NOVA1: variants seen among roughly 807,000 people sequenced by gnomAD.
NOVA1 encodes the protein NOVA alternative splicing regulator 1.
NOVA1 carries 7 observed loss-of-function variants against 38.0 expected under a neutral mutation model. The observed-to-expected ratio is 0.18, with a 90% CI of 0.10 to 0.35. NOVA1 has a LOEUF of 0.35. Among genes scored for constraint, NOVA1 ranks in the 10% least tolerant of loss-of-function variants. The pLI, the probability that NOVA1 is intolerant of heterozygous loss-of-function variation, is 1.00. For missense variants in NOVA1, 460 were observed against 616.0 expected, an observed-to-expected ratio of 0.75 and a Z score of 2.68; for synonymous variants, 270 against 232.5, an observed-to-expected ratio of 1.16 and a Z score of -1.47.
intron 2 of NOVA1, among the ~76,000 whole-genome samples, chr14:26,557,017 T>G (rs901492471): frequency 6.6e-6 from 1 of 152,126 alleles, no homozygotes; most frequent in Non-Finnish European, 1.5e-5. Context: ...CTCCTTGGCT[T>G]GTAGATGGCA....
intron 2 of NOVA1, among the ~76,000 whole-genome samples, chr14:26,568,626 C>G (rs1339968385): frequency 6.6e-6 from 1 of 152,024 alleles, no homozygotes; most frequent in Non-Finnish European, 1.5e-5. Flanking sequence ...TGTTAGCTGA[C>G]CAGAAACTAA....
chr14:26,546,482 G>T (rs923711806), intron 2 of NOVA1, among the ~76,000 whole-genome samples: 2 of 152,204 alleles, frequency 1.3e-5, no homozygotes, highest in East Asian at 1.9e-4. Context: ...GAACATCTGA[G>T]AATTTAAAAT....
intron 2 of NOVA1, among the ~76,000 whole-genome samples, chr14:26,561,090 A>G (rs1190714889): frequency 6.6e-6 from 1 of 152,124 alleles, no homozygotes; most frequent in African/African-American, 2.4e-5. Flanking sequence ...TGCTCAGTTC[A>G]TGATAGGGTT....
intron 2 of NOVA1, among the ~76,000 whole-genome samples, chr14:26,572,037 A>G (rs1248034743): frequency 6.6e-6 from 1 of 152,234 alleles, no homozygotes. Context: ...TAAATTAGAT[A>G]TGAGATTCAT....
At chr14:26,513,926 C>T (rs1270789470) in intron 2 of NOVA1, among the ~76,000 whole-genome samples, 1 of 151,544 alleles carries the variant, frequency 6.6e-6, no homozygotes. Context: ...TTTCGAATAG[C>T]TAACATTCAT....
At chr14:26,561,641 G>A (rs1299277517) in intron 2 of NOVA1, among the ~76,000 whole-genome samples, 3 of 152,060 alleles carry the variant, frequency 2.0e-5, no homozygotes, top group East Asian at 1.9e-4. Context: ...AAAACAAACT[G>A]TATTGAACAT....
intron 2 of NOVA1, among the ~76,000 whole-genome samples, chr14:26,484,428 GAAAAAAAAAAAAAAAAAA>G (rs869087238): frequency 7.1e-5 from 4 of 56,436 alleles, no homozygotes; most frequent in East Asian, 6.1e-4. Context: ...ACTCCGTCTC[GAAAAAAAAAAAAAAAAAA>G]AAAAAAAAAA....
At chr14:26,483,617 T>C (rs1352908334) in intron 2 of NOVA1, among the ~76,000 whole-genome samples, 1 of 152,140 alleles carries the variant, frequency 6.6e-6, no homozygotes, top group Non-Finnish European at 1.5e-5. Flanking sequence ...CTTCTTGATG[T>C]GATGTAATAA....
chr14:26,535,337 C>T (rs779411671), intron 2 of NOVA1, among the ~76,000 whole-genome samples: 6 of 152,034 alleles, frequency 3.9e-5, no homozygotes, highest in East Asian at 1.9e-4. Flanking sequence ...AAAATAAAAA[C>T]GGATATGGTT....
chr14:26,505,010 G>GAGAGTCTAGGAGT (rs61689666), intron 2 of NOVA1, among the ~76,000 whole-genome samples: 1 of 152,024 alleles, frequency 6.6e-6, no homozygotes, highest in South Asian at 2.1e-4. Flanking sequence ...ATTTTGTCTT[G>GAGAGTCTAGGAGT]AGCTAGCTAG....
intron 2 of NOVA1, among the ~76,000 whole-genome samples, chr14:26,518,900 AT>A (rs1173192273): frequency 6.6e-6 from 1 of 152,080 alleles, no homozygotes; most frequent in Non-Finnish European, 1.5e-5. Context: ...ACGATTTTTC[AT>A]GTGTAAAATG....
intron 2 of NOVA1, among the ~76,000 whole-genome samples, chr14:26,535,416 A>G (rs1471263479): frequency 6.6e-6 from 1 of 152,204 alleles, no homozygotes; most frequent in Non-Finnish European, 1.5e-5. Context: ...GCAATATACC[A>G]GAATAGTTTT....
intron 2 of NOVA1, among the ~76,000 whole-genome samples, chr14:26,505,835 T>C (rs1887604145): frequency 6.6e-6 from 1 of 152,158 alleles, no homozygotes. Flanking sequence ...TGTAAATAAT[T>C]AAAACATAGT....
chr14:26,532,410 C>A (rs1352600289), intron 2 of NOVA1, among the ~76,000 whole-genome samples: 1 of 151,992 alleles, frequency 6.6e-6, no homozygotes, highest in East Asian at 1.9e-4. Context: ...TGATTCAGAG[C>A]AAAAGAAACT....
chr14:26,545,088 A>G (rs986397433), intron 2 of NOVA1, among the ~76,000 whole-genome samples: 2 of 152,128 alleles, frequency 1.3e-5, no homozygotes, highest in Non-Finnish European at 2.9e-5. Context: ...AAAATGTTCA[A>G]ATATTTCCTG....
chr14:26,551,941 GCTC>G (rs1189972467), intron 2 of NOVA1, among the ~76,000 whole-genome samples: 1 of 151,938 alleles, frequency 6.6e-6, no homozygotes, highest in Non-Finnish European at 1.5e-5. Context: ...AACAGTGTAT[GCTC>G]CTCAAGACTG....
At chr14:26,462,222 G>C (rs1195955407) in intron 4 of NOVA1, among the ~76,000 whole-genome samples, 1 of 151,950 alleles carries the variant, frequency 6.6e-6, no homozygotes, top group Non-Finnish European at 1.5e-5. Context: ...GATTTAAGTT[G>C]TATTAATTAG....
chr14:26,584,482 G>T (rs190550043), intron 2 of NOVA1, among the ~76,000 whole-genome samples: 14 of 151,276 alleles, frequency 9.3e-5, no homozygotes, highest in Non-Finnish European at 1.5e-5. Flanking sequence ...TCTTGCTAAC[G>T]AATATATCTA....
intron 2 of NOVA1, among the ~76,000 whole-genome samples, chr14:26,575,983 C>A (rs1427491285): frequency 6.6e-6 from 1 of 151,934 alleles, no homozygotes; most frequent in East Asian, 1.9e-4. Context: ...AAACTCGCAG[C>A]TGACAGGCAT....
Sources: gnomAD v4.1 joint callset for allele counts (sites outside exome capture counted in the v4.1 genomes callset) on GRCh38, gnomAD v4.1.1 for gene constraint, MANE v1.5 for transcripts, NCBI Gene and HGNC (gene_info 2026-07-23, HGNC 2026-07-21) for gene names.